FBXL17: variants seen among roughly 807,000 people sequenced by gnomAD.
The protein encoded by FBXL17 is F-box and leucine rich repeat protein 17, also known as F-box/LRR-repeat protein 17.
Under a neutral mutation model 66.2 loss-of-function variants are expected in FBXL17, and 22 were observed. The observed-to-expected ratio is 0.33, with a 90% CI of 0.24 to 0.47. The LOEUF is 0.47. FBXL17 is among the 20% of genes least tolerant of loss of function. The pLI, the probability that FBXL17 is intolerant of heterozygous loss-of-function variation, is 1.00. For synonymous variants in FBXL17, 474 were observed against 400.5 expected (o/e 1.18, Z -2.19); for missense variants, 878 against 948.2 (o/e 0.93, Z 0.97).
chr5:108,321,240 A>T (rs1759605332), intron 4 of FBXL17, among the ~76,000 whole-genome samples: 1 of 151,838 alleles, frequency 6.6e-6, no homozygotes, highest in Non-Finnish European at 1.5e-5. Context: ...ATTACTGAGT[A>T]TATAATAATA....
chr5:108,080,847 T>A (rs1447439906), intron 6 of FBXL17, among the ~76,000 whole-genome samples: 1 of 152,180 alleles, frequency 6.6e-6, no homozygotes, highest in African/African-American at 2.4e-5. Flanking sequence ...ATTATGTAGA[T>A]GAAGCCTCCA....
intron 4 of FBXL17, among the ~76,000 whole-genome samples, chr5:108,291,604 A>G (rs891837383): frequency 6.6e-6 from 1 of 152,224 alleles, no homozygotes; most frequent in Non-Finnish European, 1.5e-5. Context: ...TAATGAAGTG[A>G]GTTTGGGACC....
chr5:108,367,353 T>A (rs1049200543), intron 2 of FBXL17, among the ~76,000 whole-genome samples: 1 of 151,950 alleles, frequency 6.6e-6, no homozygotes, highest in African/African-American at 2.4e-5. Flanking sequence ...AAAAAGGTTA[T>A]CTTAGCCTAT....
intron 5 of FBXL17, among the ~76,000 whole-genome samples, chr5:108,200,680 A>G (rs1753855131): frequency 1.4e-5 from 2 of 146,992 alleles, no homozygotes; most frequent in South Asian, 2.2e-4. Flanking sequence ...TTCCAGTGGG[A>G]AGCTTTTTCT....
chr5:107,880,798 A>G lies in FBXL17; in HGVS notation c.1965+239T>C, dbSNP rs1235544411. 4 of 1,351,656 alleles carry G rather than the reference A, an allele frequency of 3.0e-6. No individual in the cohort carries two copies. In the African/African-American group the frequency reaches 5.9e-5, roughly 20 times the overall value. 83.7% of individuals were successfully genotyped at this position (1,351,656 alleles called of 1,614,324 possible). On this transcript the variant is annotated intron_variant, in intron 8 of 8. Coordinates refer to ENST00000542267, the MANE Select transcript of FBXL17 (RefSeq NM_001163315.3). ...ACTCTAGTTGACTATGTATATGATT[A>G]CTTTTTCTTTCTACTTAAGCACAAA...
At chr5:108,294,397 A>T (rs1281419561) in intron 4 of FBXL17, among the ~76,000 whole-genome samples, 1 of 151,588 alleles carries the variant, frequency 6.6e-6, no homozygotes, top group Non-Finnish European at 1.5e-5. Context: ...TACTTTTTGT[A>T]ATTCCTAATA....
At position 108,004,144 on chromosome 5, in the gene FBXL17, C is replaced by T. The variant is rs528476562; in HGVS notation, c.1822+16781G>A. Among the ~76,000 whole-genome samples the T allele has an allele frequency of 8.7e-4, 132 of 152,198 alleles. 1 individual carries two copies. The highest frequency in any genetic ancestry group is 1.4e-3 in the Non-Finnish European group (96 of 68,002). ...TTTCAACATAATGCAAGCCAGAAGA[C>T]AGTGGGATAATATCTTCAAAATACA... On this transcript the variant is annotated intron_variant, in intron 7 of 8. Transcript: ENST00000542267.
chr5:107,964,947 T>C (rs1220296092), intron 7 of FBXL17, among the ~76,000 whole-genome samples: 3 of 152,108 alleles, frequency 2.0e-5, no homozygotes, highest in African/African-American at 7.2e-5. Context: ...AAGCTGAGGT[T>C]TTGATTTTTT....
intron 4 of FBXL17, among the ~76,000 whole-genome samples, chr5:108,242,447 C>T (rs1755903749): frequency 6.6e-6 from 1 of 151,754 alleles, no homozygotes; most frequent in Non-Finnish European, 1.5e-5. Context: ...GTGTCAAAGT[C>T]CTAATCTCAA....
intron 7 of FBXL17, among the ~76,000 whole-genome samples, chr5:107,910,953 A>G (rs1270494892): frequency 3.3e-5 from 5 of 152,172 alleles, no homozygotes; most frequent in Non-Finnish European, 7.4e-5. Context: ...AATGCTATAA[A>G]TACGTCCTTT....
chr5:107,948,759 A>G (rs1429466935), intron 7 of FBXL17, among the ~76,000 whole-genome samples: 1 of 152,170 alleles, frequency 6.6e-6, no homozygotes, highest in Non-Finnish European at 1.5e-5. Flanking sequence ...AAGTTATAGG[A>G]CCTCTCTTTA....
chr5:108,371,987 T>G (rs1749069889), intron 1 of FBXL17, among the ~76,000 whole-genome samples: 1 of 152,210 alleles, frequency 6.6e-6, no homozygotes, highest in Non-Finnish European at 1.5e-5. Flanking sequence ...CAGGTAAGCC[T>G]GCTCTCCAAT....
rs186265812 is a variant in FBXL17 at position 107,969,340 on chromosome 5, T to C, written c.1822+51585A>G. ...ACTTTAGTATACACTCTTTAACAAA[T>C]CTCTGAAAAATGCAATGCATTTTAG... On this transcript the variant is annotated intron_variant, in intron 7 of 8. Transcript: ENST00000542267. Among the ~76,000 whole-genome samples the C allele has an allele frequency of 3.7e-3, 561 of 152,210 alleles. 2 individuals carry two copies. The highest frequency in any genetic ancestry group is 0.012 in the African/African-American group (504 of 41,536).
chr5:107,883,107 G>C (rs1214651937), intron 7 of FBXL17, among the ~76,000 whole-genome samples: 2 of 152,196 alleles, frequency 1.3e-5, no homozygotes, highest in East Asian at 1.9e-4. Flanking sequence ...GTGAGCTCTA[G>C]AGCATTTTTG....
chr5:108,121,881 GT>G (rs1278776362), intron 6 of FBXL17, among the ~76,000 whole-genome samples: 3 of 152,016 alleles, frequency 2.0e-5, no homozygotes, highest in Non-Finnish European at 4.4e-5. Context: ...CAATTTAAAA[GT>G]TTTCTTTATC....
intron 7 of FBXL17, among the ~76,000 whole-genome samples, chr5:107,953,188 G>A (rs935514967): frequency 5.3e-5 from 8 of 152,046 alleles, no homozygotes; most frequent in Admixed American, 2.0e-4. Context: ...GGATCACGAG[G>A]TCAGGAGATC....
intron 6 of FBXL17, among the ~76,000 whole-genome samples, chr5:108,160,810 C>T (rs1452991418): frequency 2.0e-5 from 3 of 152,302 alleles, no homozygotes; most frequent in South Asian, 4.1e-4. Context: ...CATGCACATG[C>T]ACCTTTTTTG....
chr5:108,195,491 G>A (rs1364465569), intron 5 of FBXL17, among the ~76,000 whole-genome samples: 1 of 152,124 alleles, frequency 6.6e-6, no homozygotes, highest in African/African-American at 2.4e-5. Context: ...TGGTCAAAGA[G>A]GAGATCTAAG....
chr5:108,122,142 C>A (rs1750529233), intron 6 of FBXL17, among the ~76,000 whole-genome samples: 1 of 151,956 alleles, frequency 6.6e-6, no homozygotes, highest in Non-Finnish European at 1.5e-5. Flanking sequence ...CTATATATAT[C>A]ATAATATTAA....
Sources: allele counts gnomAD v4.1 joint callset (sites outside exome capture counted in the v4.1 genomes callset), GRCh38; gene constraint gnomAD v4.1.1; transcripts MANE v1.5; gene names NCBI Gene and HGNC (gene_info 2026-07-23, HGNC 2026-07-21).